Variants in INO80C observed in about 807,000 individuals in gnomAD.
INO80C encodes IES6 homolog.
In INO80C, 17 loss-of-function variants were observed where a neutral mutation model predicts 17.7. The observed-to-expected ratio is 0.96, with a 90% CI of 0.66 to 1.44. INO80C has a LOEUF of 1.44. Ranked by LOEUF, INO80C falls within the 40% of genes most tolerant of loss-of-function variation. INO80C has a pLI of 0.00. For synonymous variants in INO80C, 96 were observed against 95.8 expected, an observed-to-expected ratio of 1.00 and a Z score of -0.01; for missense variants, 244 against 245.0, an observed-to-expected ratio of 1.00 and a Z score of 0.03.
At chr18:35,483,393 T>C (rs1299076429) in intron 1 of INO80C, 1 of 152,180 alleles carries the variant, frequency 6.6e-6, no homozygotes, top group Non-Finnish European at 1.5e-5. Flanking sequence ...ATCTAGTATA[T>C]ATTGTATATA....
chr18:35,485,764 T>C (rs574701977), intron 1 of INO80C, among the ~76,000 whole-genome samples: 16 of 152,332 alleles, frequency 1.1e-4, no homozygotes, highest in African/African-American at 3.4e-4. Flanking sequence ...CAAATATTCA[T>C]AGCAGCATTA....
chr18:35,496,108 C>T (rs941359138), intron 1 of INO80C, among the ~76,000 whole-genome samples: 5 of 152,198 alleles, frequency 3.3e-5, no homozygotes, highest in African/African-American at 7.2e-5. Context: ...TACTGTTTAA[C>T]AGTTACTGAG....
At chr18:35,469,995 T>C (rs569164421) in intron 4 of INO80C, among the ~76,000 whole-genome samples, 4 of 152,328 alleles carry the variant, frequency 2.6e-5, no homozygotes, top group East Asian at 1.9e-4. Context: ...TCAAAGCACA[T>C]GGGCTTCTAC....
Position 35,480,474 on chromosome 18 carries a change from T to C in INO80C, c.246A>G (p.Pro82=), listed in dbSNP as rs763352096. 25 of 1,613,496 alleles carry C rather than the reference T, an allele frequency of 1.5e-5. No homozygotes were observed. In the African/African-American group the frequency reaches 2.1e-4, roughly 14 times the overall value. Residue 82 remains proline, a synonymous_variant, in exon 2 of 5, where the codon CCA becomes CCG. Transcript: ENST00000334598. ...GPVEKAAKPL[P]FKDPNFVHSG... is the part of the protein sequence containing the mutation. ...TTACCACAAAGTTGGGATCCTTAAA[T>C]GGCAAAGGTTTGGCAGCTTTTTCCA...
At chr18:35,473,504 G>A (rs1457941430) in intron 4 of INO80C, among the ~76,000 whole-genome samples, 3 of 152,206 alleles carry the variant, frequency 2.0e-5, no homozygotes, top group Non-Finnish European at 4.4e-5. Flanking sequence ...CCCTGGAAGG[G>A]AGGCAAAAGT....
chr18:35,482,017 C>T (rs1164856066), intron 1 of INO80C, among the ~76,000 whole-genome samples: 3 of 152,162 alleles, frequency 2.0e-5, no homozygotes, highest in Non-Finnish European at 4.4e-5. Flanking sequence ...TATTCATTTT[C>T]GTGTTCGTGG....
chr18:35,497,657 C>T, intron 1 of INO80C, 62 bp downstream of exon 1: 1 of 1,563,606 alleles, frequency 6.4e-7, no homozygotes, highest in Non-Finnish European at 8.7e-7. Context: ...CCTGGCTCGG[C>T]TCCGCCCCGC....
rs777141473 is a variant in INO80C at position 35,497,732 on chromosome 18, G to T, written c.143C>A (p.Ser48Tyr). The change falls in exon 1 of 5, where the codon TCC (serine) becomes TAC (tyrosine). Residue 48 changes from serine (S) to tyrosine (Y), a missense_variant. Transcript: ENST00000334598. ...GASKKKKASA[S>Y]SFAQGISMEA... ...GCGACTGCGTACCTGCGCAAAGCTGGAAGCGGACGCTTTTTTCTTCTTACT... is the reference window on the plus strand; with the variant it reads ...GCGACTGCGTACCTGCGCAAAGCTGTAAGCGGACGCTTTTTTCTTCTTACT... 2.5e-6 allele frequency: 4 copies of T among 1,612,262 alleles called. No individual in the cohort carries two copies. In the African/African-American group the frequency reaches 5.3e-5, roughly 22 times the overall value.
chr18:35,473,797 C>G (rs916257842), intron 4 of INO80C, among the ~76,000 whole-genome samples: 1 of 152,120 alleles, frequency 6.6e-6, no homozygotes, highest in Non-Finnish European at 1.5e-5. Context: ...TAACACCAAA[C>G]TTCAGTAAGA....
At chr18:35,487,417 A>ATGGCGGAAGGCAAGAGGCACGTCTTACG (rs1429693930) in intron 1 of INO80C, 4 of 390,802 alleles carry the variant, frequency 1.0e-5, no homozygotes, top group Non-Finnish European at 2.0e-5. Flanking sequence ...CCTCACAATC[A>ATGGCGGAAGGCAAGAGGCACGTCTTACG]TGGCGGAAGG....
At chr18:35,493,957 A>T (rs776256390) in intron 1 of INO80C, among the ~76,000 whole-genome samples, 3 of 152,162 alleles carry the variant, frequency 2.0e-5, no homozygotes, top group Non-Finnish European at 4.4e-5. Flanking sequence ...ATAGAAAAAC[A>T]CTCACTTCCC....
chr18:35,476,184 T>A (rs560392220), intron 4 of INO80C, among the ~76,000 whole-genome samples: 1 of 152,304 alleles, frequency 6.6e-6, no homozygotes, highest in South Asian at 2.1e-4. Flanking sequence ...AGTTTTATCA[T>A]GAGAAAACAT....
rs142273374 is a variant in INO80C at position 35,478,841 on chromosome 18, A to T, written c.379+459T>A. Among the ~76,000 whole-genome samples the T allele has an allele frequency of 8.5e-5, 13 of 152,348 alleles. No homozygotes were observed. In the East Asian group the frequency reaches 2.1e-3, roughly 25 times the overall value. On this transcript the variant is annotated intron_variant, in intron 3 of 4. Coordinates refer to ENST00000334598, the MANE Select transcript of INO80C (RefSeq NM_194281.4). ...AACTTGTACTTTCCAGTGAAGCTGA[A>T]CAGAACATATAACAGTGTTTTACAT...
At chr18:35,479,908 A>G (rs1017853739) in intron 2 of INO80C, among the ~76,000 whole-genome samples, 3 of 151,464 alleles carry the variant, frequency 2.0e-5, no homozygotes, top group Non-Finnish European at 4.4e-5. Flanking sequence ...TTTATCCTAC[A>G]AAGATGACAC....
chr18:35,468,744 T>C lies in INO80C; in HGVS notation c.448-2A>G. 2 of 1,613,824 alleles carry C rather than the reference T, an allele frequency of 1.2e-6. No individual in the cohort carries two copies. The highest frequency in any genetic ancestry group is 1.7e-6 in the Non-Finnish European group (2 of 1,179,760). ...GCTCTGGGGGTCTGTGTAGTTGGCC[T>C]GGGTGAAAAGAGGCACAGGGAAGGG... On this transcript the variant is annotated splice_acceptor_variant, in intron 4 of 4. Coordinates refer to ENST00000334598, the MANE Select transcript of INO80C (RefSeq NM_194281.4). LOFTEE classifies it high-confidence loss of function.
At chr18:35,494,931 A>C (rs1457602100) in intron 1 of INO80C, among the ~76,000 whole-genome samples, 1 of 152,236 alleles carries the variant, frequency 6.6e-6, no homozygotes, top group African/African-American at 2.4e-5. Flanking sequence ...TCTTAAGCAT[A>C]CTGCTGGGGA....
At chr18:35,469,410 T>G (rs554591079) in intron 4 of INO80C, among the ~76,000 whole-genome samples, 1 of 152,300 alleles carries the variant, frequency 6.6e-6, no homozygotes, top group African/African-American at 2.4e-5. Flanking sequence ...GGCCTTCCTT[T>G]GTCCTCAGCC....
At chr18:35,493,300 C>T (rs1287509197) in intron 1 of INO80C, among the ~76,000 whole-genome samples, 1 of 152,192 alleles carries the variant, frequency 6.6e-6, no homozygotes, top group Admixed American at 6.5e-5. Flanking sequence ...TGTTCCCCAA[C>T]CCACCAAAAT....
At chr18:35,476,327 T>A (rs957819715) in intron 4 of INO80C, among the ~76,000 whole-genome samples, 1 of 152,174 alleles carries the variant, frequency 6.6e-6, no homozygotes, top group Non-Finnish European at 1.5e-5. Context: ...ACAGGATGAC[T>A]AAATTTGATA....
Sources: allele counts gnomAD v4.1 joint callset (sites outside exome capture counted in the v4.1 genomes callset), GRCh38; gene constraint gnomAD v4.1.1; transcripts MANE v1.5; gene names NCBI Gene and HGNC (gene_info 2026-07-23, HGNC 2026-07-21).